HEBP1: variants seen among roughly 807,000 people sequenced by gnomAD.
The protein encoded by HEBP1 is heme binding protein 1, also known as heme-binding protein 1.
Under a neutral mutation model 20.4 loss-of-function variants are expected in HEBP1, and 13 were observed. The observed-to-expected ratio is 0.64, with a 90% CI of 0.42 to 1.01. The LOEUF (loss-of-function observed/expected upper bound fraction) is 1.01. Among genes scored for constraint, HEBP1 ranks in the 50% least tolerant of loss-of-function variants. The pLI is 0.00. For synonymous variants in HEBP1, 92 were observed against 90.7 expected (o/e 1.01, Z -0.08); for missense variants, 241 against 247.3 (o/e 0.97, Z 0.17).
At chr12:12,975,564 G>T in intron 3 of HEBP1, 85 bp from the exon 4 acceptor site, 1 of 1,202,664 alleles carries the variant, frequency 8.3e-7, no homozygotes, top group Non-Finnish European at 1.2e-6. Flanking sequence ...CACTCACCAT[G>T]TTTATTATGA....
At chr12:12,990,777 T>G (rs1864215238) in intron 1 of HEBP1, among the ~76,000 whole-genome samples, 1 of 152,168 alleles carries the variant, frequency 6.6e-6, no homozygotes, top group Non-Finnish European at 1.5e-5. Flanking sequence ...AGTCTGAACC[T>G]CCTCAAATTG....
chr12:12,992,322 G>T lies in HEBP1; in HGVS notation c.79-2907C>A, dbSNP rs536778013. 2.6e-5 allele frequency among the ~76,000 whole-genome samples: 4 copies of T among 152,294 alleles called. No individual in the cohort carries two copies. The South Asian group carries it at 8.3e-4, about 32-fold the overall frequency. Reference sequence around the variant, plus strand: ...AGGTTCAAGTGATTCTTCTGCCTCAGCCTCACAAGTAGCTGAGACTACAGG... The same window carrying T: ...AGGTTCAAGTGATTCTTCTGCCTCATCCTCACAAGTAGCTGAGACTACAGG... On this transcript the variant is annotated intron_variant, in intron 1 of 3. Transcript: ENST00000014930.
At chr12:12,993,112 T>A (rs1202164722) in intron 1 of HEBP1, among the ~76,000 whole-genome samples, 3 of 151,944 alleles carry the variant, frequency 2.0e-5, no homozygotes, top group African/African-American at 7.3e-5. Flanking sequence ...CTTTCTTTTT[T>A]TCTTTCGTTT....
At chr12:12,984,967 T>G (rs190500413) in intron 3 of HEBP1, among the ~76,000 whole-genome samples, 112 of 152,200 alleles carry the variant, frequency 7.4e-4, no homozygotes, top group African/African-American at 2.6e-3. Context: ...CTGGCCAAGA[T>G]GGTGAAACCC....
intron 3 of HEBP1, among the ~76,000 whole-genome samples, chr12:12,978,232 A>T (rs1864024783): frequency 9.1e-6 from 1 of 110,082 alleles, no homozygotes; most frequent in East Asian, 2.7e-4. Flanking sequence ...TTTTTTTGAG[A>T]CAGAGTCTCA....
chr12:12,992,611 C>T (rs1864238353), intron 1 of HEBP1, among the ~76,000 whole-genome samples: 1 of 152,198 alleles, frequency 6.6e-6, no homozygotes, highest in Non-Finnish European at 1.5e-5. Context: ...GCAAGTCAGC[C>T]TTGACTGTGG....
At chr12:12,985,066 T>G (rs1246295151) in intron 3 of HEBP1, among the ~76,000 whole-genome samples, 1 of 151,512 alleles carries the variant, frequency 6.6e-6, no homozygotes, top group Non-Finnish European at 1.5e-5. Flanking sequence ...GAGAATTGCT[T>G]GAACCCAGGC....
rs1448097465 is a variant in HEBP1, at chr12:13,000,227, CGGCAGGGT to C, written c.-121_-114del. The C allele has an allele frequency of 3.3e-5, 13 of 392,448 alleles. No homozygotes were observed. Among genetic ancestry groups the C allele is most frequent in the East Asian group, 2.9e-4 (7 of 24,556 alleles). The allele number at this position is 392,448 out of a possible 1,614,324, so 24.3% of individuals were successfully genotyped here. The stretch of plus-strand genomic sequence containing the variant: ...GCGGCAGGGCGGCAGGGCGGCAGGG[CGGCAGGGT>C]GGCAGGGCGGCAAGGCGGCGGGACG... On this transcript the variant is annotated 5_prime_UTR_variant, in exon 1 of 4. Coordinates refer to ENST00000014930, the MANE Select transcript of HEBP1 (RefSeq NM_015987.5).
intron 1 of HEBP1, among the ~76,000 whole-genome samples, chr12:12,993,094 C>T (rs1007343718): frequency 3.9e-5 from 6 of 152,066 alleles, no homozygotes; most frequent in Non-Finnish European, 7.4e-5. Flanking sequence ...TTTCTTTCCT[C>T]TCTCTGTCTT....
chr12:12,986,882 T>G lies in HEBP1; in HGVS notation c.398+270A>C. ...GAGTCTCCTAGAACCCTGCTATGGC[T>G]AATGTAGACATTCACTGTAAGCTTA... On this transcript the variant is annotated intron_variant, in intron 3 of 3. Transcript: ENST00000014930. The surrounding 1 kb of genome is among the most constrained non-coding windows in gnomAD (Gnocchi z 4.3). 2.6e-6 allele frequency: 1 copy of G among 380,634 alleles called. No individual in the cohort carries two copies. The highest frequency in any genetic ancestry group is 4.8e-6 in the Non-Finnish European group (1 of 209,856). The allele number at this position is 380,634 out of a possible 1,614,324, so 23.6% of individuals were successfully genotyped here.
At chr12:12,995,537 A>G (rs1287529916) in intron 1 of HEBP1, among the ~76,000 whole-genome samples, 1 of 152,216 alleles carries the variant, frequency 6.6e-6, no homozygotes, top group African/African-American at 2.4e-5. Context: ...CTGGGCCACA[A>G]TGTATTAAAC....
At position 13,000,232 on chromosome 12, in the gene HEBP1, GGGTGGCAGGGCGGCAA is replaced by G. The variant is rs1565496061; in HGVS notation, c.-134_-119del. On this transcript the variant is annotated 5_prime_UTR_variant, in exon 1 of 4. Coordinates refer to ENST00000014930, the MANE Select transcript of HEBP1 (RefSeq NM_015987.5). ...AGGGCGGCAGGGCGGCAGGGCGGCA[GGGTGGCAGGGCGGCAA>G]GGCGGCGGGACGGCGAGGCGGCGAG... is the stretch of plus-strand genomic sequence containing the variant. 5.3e-6 allele frequency: 2 copies of G among 377,500 alleles called. No homozygotes were observed. The highest frequency in any genetic ancestry group is 9.2e-6 in the Non-Finnish European group (2 of 217,768). 23.4% of individuals were successfully genotyped at this position (377,500 alleles called of 1,614,324 possible).
intron 1 of HEBP1, among the ~76,000 whole-genome samples, chr12:12,999,238 T>G (rs1237868019): frequency 6.6e-6 from 1 of 152,260 alleles, no homozygotes; most frequent in Non-Finnish European, 1.5e-5. Context: ...TACTACGTTT[T>G]TTCCTATACA....
chr12:12,992,124 C>A (rs1015683108), intron 1 of HEBP1, among the ~76,000 whole-genome samples: 2 of 152,184 alleles, frequency 1.3e-5, no homozygotes, highest in African/African-American at 4.8e-5. Flanking sequence ...GTGTGACTCC[C>A]AGGGGGACAG....
chr12:12,999,840 T>C (rs1167719629), intron 1 of HEBP1, among the ~76,000 whole-genome samples, 197 bp downstream of exon 1: 2 of 152,226 alleles, frequency 1.3e-5, no homozygotes, highest in Non-Finnish European at 2.9e-5. Context: ...CACCACCGGC[T>C]GCAGGGGGAC....
chr12:12,983,560 A>C (rs1469245341), intron 3 of HEBP1: 2 of 388,062 alleles, frequency 5.2e-6, no homozygotes, highest in Non-Finnish European at 1.0e-5. Flanking sequence ...CCATCTCATT[A>C]ACATTGCTTT....
rs76634642 is a variant in HEBP1 at position 12,978,199 on chromosome 12, G to GTTT, written c.399-2723_399-2721dup. Among the ~76,000 whole-genome samples, 123 of 75,086 alleles carry GTTT rather than the reference G, an allele frequency of 1.6e-3. 7 individuals carry two copies. Among genetic ancestry groups the GTTT allele is most frequent in the African/African-American group, 4.5e-3 (83 of 18,366 alleles). The allele number at this position is 75,086 out of a possible 152,430, so 49.3% of individuals were successfully genotyped here. On this transcript the variant is annotated intron_variant, in intron 3 of 3. Transcript: ENST00000014930. ...TATGCACAGGTAGACCTACGAAAGG[G>GTTT]TTTTTTTTTTTTTTTTTTTTTTTTT...
Position 12,998,139 on chromosome 12 carries a change from C to CGCCTT in HEBP1, c.78+1897_78+1898insAAGGC, listed in dbSNP as rs113669039. On this transcript the variant is annotated intron_variant, in intron 1 of 3. Transcript: ENST00000014930. This position sits in a 1 kb window ranked among gnomAD's most constrained non-coding sequence, Gnocchi z 4.2. Reference sequence around the variant, plus strand: ...CTCCTAATACTCCCTATTCCTCACTCCCCTGCTTGCTTTTCTTCACAGCAC... The same window carrying CGCCTT: ...CTCCTAATACTCCCTATTCCTCACTCGCCTTCCCTGCTTGCTTTTCTTCACAGCAC... 6.6e-6 allele frequency among the ~76,000 whole-genome samples: 1 copy of CGCCTT among 151,108 alleles called. No individual in the cohort carries two copies. Among genetic ancestry groups the CGCCTT allele is most frequent in the Admixed American group, 6.6e-5 (1 of 15,148 alleles).
chr12:12,975,623 A>G, intron 3 of HEBP1, 144 bp from the exon 4 acceptor site: 1 of 632,938 alleles, frequency 1.6e-6, no homozygotes. Context: ...CACTTCCTAG[A>G]TGGGTTGATT....
Sources: allele counts gnomAD v4.1 joint callset (sites outside exome capture counted in the v4.1 genomes callset), GRCh38; gene constraint gnomAD v4.1.1; non-coding constraint Gnocchi (gnomAD v3.1); transcripts MANE v1.5; gene names NCBI Gene and HGNC (gene_info 2026-07-23, HGNC 2026-07-21).